Variants in MCF2L observed in about 807,000 individuals in gnomAD.
MCF2L encodes guanine nucleotide exchange factor DBS.
Under a neutral mutation model 153.4 loss-of-function variants are expected in MCF2L, and 97 were observed. The ratio of observed to expected loss-of-function variants is 0.63; its 90% CI spans 0.54 to 0.75. MCF2L has a LOEUF of 0.75. Among genes scored for constraint, MCF2L ranks in the 30% least tolerant of loss-of-function variants. The probability of loss-of-function intolerance (pLI) is 0.00; values close to 1 mark genes in which losing one functional copy is unlikely to be tolerated. For synonymous variants in MCF2L, 659 were observed against 632.2 expected, an observed-to-expected ratio of 1.04 and a Z score of -0.64; for missense variants, 1,347 against 1,495.2, an observed-to-expected ratio of 0.90 and a Z score of 1.64.
At chr13:112,923,352 C>A (rs1048989159) in intron 2 of MCF2L, among the ~76,000 whole-genome samples, 1 of 149,900 alleles carries the variant, frequency 6.7e-6, no homozygotes, top group Non-Finnish European at 1.5e-5. Flanking sequence ...CAAGCTCCGC[C>A]TCCTGGGTTG....
In MCF2L at chr13:112,983,042, C is replaced by G. The variant is rs2082496349; in HGVS notation, c.79+13584C>G. On this transcript the variant is annotated intron_variant, in intron 1 of 29. Transcript: ENST00000535094. The surrounding 1 kb of genome is among the most constrained non-coding windows in gnomAD (Gnocchi z 4.0). ...AGGTTGGGGAAAGCACTTCCTGATG[C>G]CTTTGGGTGTGGAAAGTGGTGGGGG... 6.6e-6 allele frequency among the ~76,000 whole-genome samples: 1 copy of G among 151,966 alleles called. No individual in the cohort carries two copies. Among genetic ancestry groups the G allele is most frequent in the South Asian group, 2.1e-4 (1 of 4,814 alleles).
At position 113,045,417 on chromosome 13, in the gene MCF2L, C is replaced by T. The variant is rs535099780; in HGVS notation, c.369+56C>T. On this transcript the variant is annotated intron_variant, in intron 4 of 29. Transcript: ENST00000535094. The surrounding 1 kb of genome is among the most constrained non-coding windows in gnomAD (Gnocchi z 4.2). Reference sequence around the variant, plus strand: ...CCGGCCCCTCCCTGGGCTGCATGACCGCATGGTGCCCTTCCTCTGTGTCTG... The same window carrying T: ...CCGGCCCCTCCCTGGGCTGCATGACTGCATGGTGCCCTTCCTCTGTGTCTG... 29 of 1,348,068 alleles carry T rather than the reference C, an allele frequency of 2.2e-5. No homozygotes were observed. The highest frequency in any genetic ancestry group is 2.6e-5 in the Non-Finnish European group (24 of 940,664). The allele number at this position is 1,348,068 out of a possible 1,614,324, so 83.5% of individuals were successfully genotyped here.
Position 113,087,259 on chromosome 13 carries a change from C to G in MCF2L, c.2398C>G (p.Leu800Val). 1 of 1,612,286 alleles carries G rather than the reference C, an allele frequency of 6.2e-7. No homozygotes were observed. The highest frequency in any genetic ancestry group is 1.3e-5 in the African/African-American group (1 of 75,034). ...YDGNLGDLGK[L>V]LMQGSFSVWT... ...GGGGAATCTCGGCGACCTGGGCAAG[C>G]TGCTGATGCAGGGCTCGTTCAGCGT... The change falls in exon 22 of 30, where the codon CTG becomes GTG. Residue 800 changes from leucine (L) to valine (V), a missense_variant. This residue lies in a region of MCF2L where 144 missense variants were observed against 238.7 expected (regional missense o/e 0.60). Transcript: ENST00000535094.
intron 15 of MCF2L, 39 bp from the exon 16 acceptor site, chr13:113,081,174 G>A (rs776763157): frequency 1.3e-6 from 2 of 1,537,340 alleles, no homozygotes; most frequent in Admixed American, 2.0e-5. Flanking sequence ...TGCTCTCCCA[G>A]TGCTAACCTT....
In MCF2L at chr13:113,031,174, TGACA is replaced by T. The variant is rs79371373; in HGVS notation, c.278+6423_278+6426del. On this transcript the variant is annotated intron_variant, in intron 3 of 29. Transcript: ENST00000535094. The surrounding 1 kb of genome is among the most constrained non-coding windows in gnomAD (Gnocchi z 5.5). ...AGAGACAGAGAGAAGAGACAGAGAG[TGACA>T]GACAGAGACAGAGAGACAGAGACAG... 0.28 allele frequency among the ~76,000 whole-genome samples: 27,630 copies of T among 98,394 alleles called. 2,750 individuals carry two copies. The highest frequency in any genetic ancestry group is 0.48 in the East Asian group (2,037 of 4,222). The allele number at this position is 98,394 out of a possible 152,430, so 64.6% of individuals were successfully genotyped here. A position where few individuals can be genotyped will look rare whatever the true frequency, so the allele number is the denominator to read the frequency against.
intron 1 of MCF2L, among the ~76,000 whole-genome samples, chr13:112,896,868 A>C (rs114391676): frequency 0.011 from 1,693 of 152,302 alleles, 32 homozygotes; most frequent in African/African-American, 0.038. Flanking sequence ...CACAGATGGA[A>C]CAGGGCCCTG....
At chr13:113,084,660 A>C in intron 18 of MCF2L, 1 of 575,516 alleles carries the variant, frequency 1.7e-6, no homozygotes, top group Non-Finnish European at 3.1e-6. Flanking sequence ...CTGGGAAGTC[A>C]GGGGCTCTGG....
At position 112,963,436 on chromosome 13, in the gene MCF2L, G is replaced by A. The variant is rs529058550; in HGVS notation, c.170-51327G>A. On this transcript the variant is annotated intron_variant, in intron 2 of 29. Coordinates refer to the MCF2L transcript ENST00000375608. ...CTCTTTGCTCAGGACTCCACAGCGC[G>A]GCATGGCTAGGAGGGAATGACTTGT... is the stretch of plus-strand genomic sequence containing the variant. Among the ~76,000 whole-genome samples, 7 of 152,260 alleles carry A rather than the reference G, an allele frequency of 4.6e-5. No homozygotes were observed. In the East Asian group the frequency reaches 7.7e-4, roughly 17 times the overall value.
rs1404597562 is a variant in MCF2L at position 113,035,747 on chromosome 13, G to T, written c.279-9524G>T. Among the ~76,000 whole-genome samples the T allele has an allele frequency of 6.6e-6, 1 of 152,200 alleles. No homozygotes were observed. The highest frequency in any genetic ancestry group is 1.5e-5 in the Non-Finnish European group (1 of 68,040). On this transcript the variant is annotated intron_variant, in intron 3 of 29. Coordinates refer to ENST00000535094, the MANE Select transcript of MCF2L (RefSeq NM_001112732.3). This position sits in a 1 kb window ranked among gnomAD's most constrained non-coding sequence, Gnocchi z 4.4. ...TCTTACTGTGGTGTGAGCGATCAGA[G>T]ACCCCAGTGTTTACCAGGTAGGCTC...
At chr13:113,059,682 G>T (rs569167754) in intron 4 of MCF2L, among the ~76,000 whole-genome samples, 80 of 152,242 alleles carry the variant, frequency 5.3e-4, no homozygotes, top group African/African-American at 1.9e-3. Context: ...TTTCATCTTC[G>T]AAAGGGTGTC....
chr13:113,082,151 G>A (rs930358024), intron 16 of MCF2L, among the ~76,000 whole-genome samples: 7 of 152,212 alleles, frequency 4.6e-5, no homozygotes, highest in African/African-American at 1.7e-4. Context: ...CAGGTCACCC[G>A]AGTGTAGACA....
At chr13:113,026,544 C>T (rs1442727949) in intron 3 of MCF2L, among the ~76,000 whole-genome samples, 2 of 152,328 alleles carry the variant, frequency 1.3e-5, no homozygotes, top group Non-Finnish European at 2.9e-5. Flanking sequence ...TGTGCTCCCT[C>T]GTATACCATC....
At chr13:112,912,537 G>A (rs1441510168) in intron 2 of MCF2L, among the ~76,000 whole-genome samples, 8 of 152,056 alleles carry the variant, frequency 5.3e-5, no homozygotes, top group Non-Finnish European at 4.4e-5. Flanking sequence ...GGCTGGTCTC[G>A]AACTCCTGAC....
At chr13:113,012,261 A>T in intron 1 of MCF2L, among the ~76,000 whole-genome samples, 1 of 93,328 alleles carries the variant, frequency 1.1e-5, no homozygotes, top group East Asian at 3.5e-4. Context: ...GGACACTGCG[A>T]TGAGGACAGT....
At position 112,929,220 on chromosome 13, in the gene MCF2L, T is replaced by C. The variant is rs563939333; in HGVS notation, c.169+26849T>C. ...AGGGACTTACCTGATCAGTTTTATA[T>C]TGGTTCCATAAATGGCCACTGGGTC... On this transcript the variant is annotated intron_variant, in intron 2 of 29. Transcript: ENST00000375608. 7.2e-5 allele frequency among the ~76,000 whole-genome samples: 11 copies of C among 152,354 alleles called. No homozygotes were observed. The South Asian group carries it at 2.1e-3, about 29-fold the overall frequency.
intron 1 of MCF2L, among the ~76,000 whole-genome samples, chr13:113,003,548 G>A (rs1385033064): frequency 4.6e-5 from 7 of 152,086 alleles, no homozygotes; most frequent in Non-Finnish European, 1.0e-4. Context: ...GGTGCCCCCT[G>A]GTTTTGCACC....
intron 5 of MCF2L, among the ~76,000 whole-genome samples, chr13:113,063,717 G>A (rs543048894): frequency 3.3e-5 from 5 of 152,322 alleles, no homozygotes; most frequent in South Asian, 2.1e-4. Context: ...AGATAGTCAC[G>A]GCAGCAGAGG....
At position 112,993,051 on chromosome 13, in the gene MCF2L, CG is replaced by C. The variant is rs1169351724; in HGVS notation, c.80-21710del. Among the ~76,000 whole-genome samples the C allele has an allele frequency of 6.6e-6, 1 of 152,214 alleles. No homozygotes were observed. Among genetic ancestry groups the C allele is most frequent in the Non-Finnish European group, 1.5e-5 (1 of 68,034 alleles). ...ATGGGCCATGGGGGTGAGGAGAGAG[CG>C]GCTCGCTGCCTTGAGAAGCTCCCGC... On this transcript the variant is annotated intron_variant, in intron 1 of 29. Coordinates refer to ENST00000535094, the MANE Select transcript of MCF2L (RefSeq NM_001112732.3). This position sits in a 1 kb window ranked among gnomAD's most constrained non-coding sequence, Gnocchi z 4.6.
At chr13:113,058,865 GTGGGCGCTGTGTATT>G (rs554427624) in intron 4 of MCF2L, among the ~76,000 whole-genome samples, 1,892 of 148,122 alleles carry the variant, frequency 0.013, 26 homozygotes, top group Non-Finnish European at 0.017. Flanking sequence ...TGGGTGATGT[GTGGGCGCTGTGTATT>G]TGGGCGCTGA....
Sources: allele counts gnomAD v4.1 joint callset (sites outside exome capture counted in the v4.1 genomes callset), GRCh38; gene constraint gnomAD v4.1.1; regional missense constraint gnomAD v4.1.1; non-coding constraint Gnocchi (gnomAD v3.1); transcripts MANE v1.5; gene names NCBI Gene and HGNC (gene_info 2026-07-23, HGNC 2026-07-21).